The following CFAP91 variants were observed in gnomAD, a reference collection of about 807,000 sequenced individuals.
CFAP91 encodes cilia- and flagella-associated protein 91.
CFAP91 carries 85 observed loss-of-function variants against 95.9 expected under a neutral mutation model. That is an observed-to-expected ratio of 0.89 (90% CI 0.74 to 1.06). The LOEUF (loss-of-function observed/expected upper bound fraction) is 1.06. CFAP91 is among the 50% of genes least tolerant of loss of function. The pLI is 0.00. For missense variants in CFAP91, 962 were observed against 943.4 expected (o/e 1.02, Z -0.26); for synonymous variants, 335 against 327.5 (o/e 1.02, Z -0.25).
chr3:119,761,943 C>T (rs924528432), intron 17 of CFAP91, among the ~76,000 whole-genome samples: 1 of 151,902 alleles, frequency 6.6e-6, no homozygotes, highest in Non-Finnish European at 1.5e-5. Context: ...CAAGGATGCT[C>T]CACTCTTGCT....
rs1553706268 is a variant in CFAP91, at chr3:119,717,550, G to GGTTTTTTTTTTTTTTTT, written c.682+1807_682+1808insGTTTTTTTTTTTTTTTT. On this transcript the variant is annotated intron_variant, in intron 6 of 17. Coordinates refer to ENST00000273390, the MANE Select transcript of CFAP91 (RefSeq NM_033364.4). ...AATATCTGTTAAGTAAAATACGTTG[G>GGTTTTTTTTTTTTTTTT]TTTTTTTTTTTTTTTTTTTCACAAA... 3.8e-5 allele frequency among the ~76,000 whole-genome samples: 5 copies of GGTTTTTTTTTTTTTTTT among 130,192 alleles called. 1 individual carries two copies. Among genetic ancestry groups the GGTTTTTTTTTTTTTTTT allele is most frequent in the Non-Finnish European group, 1.6e-5 (1 of 61,440 alleles). The allele number at this position is 130,192 out of a possible 152,430, so 85.4% of individuals were successfully genotyped here. A position where few individuals can be genotyped will look rare whatever the true frequency, so the allele number is the denominator to read the frequency against.
At chr3:119,740,083 G>A (rs1338865996) in intron 12 of CFAP91, among the ~76,000 whole-genome samples, 1 of 152,180 alleles carries the variant, frequency 6.6e-6, no homozygotes, top group African/African-American at 2.4e-5. Context: ...TGAACAACTT[G>A]TGTTTAGCAC....
rs897854532 is a variant in CFAP91 at position 119,749,963 on chromosome 3, A to G, written c.2144-974A>G. On this transcript the variant is annotated intron_variant, in intron 16 of 17. Coordinates refer to ENST00000273390, the MANE Select transcript of CFAP91 (RefSeq NM_033364.4). ...AATGTACACTATCTCAATTTCTTTC[A>G]AGAGTTGTAGGTATATTCTCATTTT... Among the ~76,000 whole-genome samples, 9 of 152,202 alleles carry G rather than the reference A, an allele frequency of 5.9e-5. 1 individual carries two copies. In the East Asian group the frequency reaches 1.2e-3, roughly 20 times the overall value.
At position 119,766,271 on chromosome 3, in the gene CFAP91, AC is replaced by A. The variant is rs2054626006; in HGVS notation, c.*1222del. 1 of 152,208 alleles carries A rather than the reference AC, an allele frequency of 6.6e-6. No individual in the cohort carries two copies. Among genetic ancestry groups the A allele is most frequent in the African/African-American group, 2.4e-5 (1 of 41,454 alleles). 9.4% of individuals were successfully genotyped at this position (152,208 alleles called of 1,614,324 possible). A position where few individuals can be genotyped will look rare whatever the true frequency, so the allele number is the denominator to read the frequency against. On this transcript the variant is annotated 3_prime_UTR_variant, in exon 18 of 18. Coordinates refer to ENST00000273390, the MANE Select transcript of CFAP91 (RefSeq NM_033364.4). ...CGGAGTTCTTGAAGAAGAAACCAGA[AC>A]AAATAAAATAGAAACAATAATCAGA...
At chr3:119,734,170 C>T (rs1012062861) in intron 10 of CFAP91, among the ~76,000 whole-genome samples, 4 of 152,130 alleles carry the variant, frequency 2.6e-5, no homozygotes, top group East Asian at 1.9e-4. Context: ...ATAAGTTTCC[C>T]GGTGATGCTG....
intron 7 of CFAP91, 26 bp downstream of exon 7, chr3:119,726,374 T>C: frequency 6.3e-7 from 1 of 1,593,200 alleles, no homozygotes; most frequent in Non-Finnish European, 8.6e-7. Context: ...CCCAGACAAC[T>C]GTTCCTGCAC....
chr3:119,730,281 A>G lies in CFAP91; in HGVS notation c.922A>G (p.Asn308Asp). 7.4e-6 allele frequency: 12 copies of G among 1,614,188 alleles called. No homozygotes were observed. Among genetic ancestry groups the G allele is most frequent in the Non-Finnish European group, 1.0e-5 (12 of 1,180,024 alleles). Residue 308 changes from asparagine to aspartate, a missense_variant, in exon 8 of 18, where the codon AAT becomes GAT. Coordinates refer to ENST00000273390, the MANE Select transcript of CFAP91 (RefSeq NM_033364.4). ...ELLRKREENQNEVNMKHLNAR... is the reference protein window; with the variant it reads ...ELLRKREENQDEVNMKHLNAR... ...GTTGAGGAAGCGTGAAGAGAATCAG[A>G]ATGAAGTGAATATGAAGCACTTGAA...
At chr3:119,757,355 A>T (rs1056210788) in intron 17 of CFAP91, among the ~76,000 whole-genome samples, 1 of 152,146 alleles carries the variant, frequency 6.6e-6, no homozygotes, top group African/African-American at 2.4e-5. Flanking sequence ...TTAAAAATGA[A>T]ATATTTGGCT....
At chr3:119,736,268 G>GTTTTTT (rs770777389) in intron 10 of CFAP91, among the ~76,000 whole-genome samples, 373 of 85,226 alleles carry the variant, frequency 4.4e-3, no homozygotes, top group Middle Eastern at 0.016. Flanking sequence ...TCTTTCTATT[G>GTTTTTT]TTTTTTTTTT....
At chr3:119,704,688 T>A (rs1052016966) in intron 1 of CFAP91, among the ~76,000 whole-genome samples, 1 of 152,216 alleles carries the variant, frequency 6.6e-6, no homozygotes, top group African/African-American at 2.4e-5. Context: ...AACTCTAGCC[T>A]TCTTTCTATG....
intron 5 of CFAP91, among the ~76,000 whole-genome samples, chr3:119,710,983 G>T (rs1411499293): frequency 6.6e-6 from 1 of 152,134 alleles, no homozygotes. Context: ...AGAGAAAAAA[G>T]TCTAAGGTAT....
intron 12 of CFAP91, among the ~76,000 whole-genome samples, 175 bp from the exon 13 acceptor site, chr3:119,740,374 C>T (rs980258523): frequency 6.6e-6 from 1 of 152,194 alleles, no homozygotes; most frequent in Non-Finnish European, 1.5e-5. Context: ...AAGCTGAAGG[C>T]ACAGAAAAGA....
At chr3:119,757,262 T>C (rs1307857719) in intron 17 of CFAP91, among the ~76,000 whole-genome samples, 1 of 152,194 alleles carries the variant, frequency 6.6e-6, no homozygotes, top group Non-Finnish European at 1.5e-5. Flanking sequence ...CAGAACTGCC[T>C]GGAGAAATAG....
intron 4 of CFAP91, among the ~76,000 whole-genome samples, 169 bp downstream of exon 4, chr3:119,708,843 T>A (rs1427123749): frequency 1.3e-5 from 2 of 152,194 alleles, no homozygotes; most frequent in Admixed American, 1.3e-4. Flanking sequence ...GGCTAAGATA[T>A]ATATGATCCC....
Position 119,703,454 on chromosome 3 carries a change from C to CG in CFAP91, c.124+238dup, listed in dbSNP as rs1308080496. On this transcript the variant is annotated intron_variant, in intron 1 of 17. Transcript: ENST00000273390. The stretch of plus-strand genomic sequence containing the variant: ...CGAAAGGCGCGGGTGCGCTCCGCTT[C>CG]GGGGGGCGATTTTCCTGAAACCTGT... 2.6e-5 allele frequency among the ~76,000 whole-genome samples: 4 copies of CG among 152,320 alleles called. No homozygotes were observed. In the East Asian group the frequency reaches 7.7e-4, roughly 29 times the overall value.
At chr3:119,764,360 G>A (rs917863759) in intron 17 of CFAP91, among the ~76,000 whole-genome samples, 1 of 152,038 alleles carries the variant, frequency 6.6e-6, no homozygotes, top group African/African-American at 2.4e-5. Context: ...TGTAAATTAG[G>A]CTAACATACT....
chr3:119,740,514 A>G, intron 12 of CFAP91, 35 bp from the exon 13 acceptor site: 2 of 1,604,514 alleles, frequency 1.2e-6, no homozygotes, highest in Non-Finnish European at 1.7e-6. Context: ...AGGGATGGTA[A>G]CTTGCAGGTC....
chr3:119,708,700 T>C, intron 4 of CFAP91, 26 bp downstream of exon 4: 2 of 1,309,370 alleles, frequency 1.5e-6, no homozygotes, highest in South Asian at 2.6e-5. Flanking sequence ...TAATGAATAT[T>C]TGAGCCCTAA....
chr3:119,745,188 G>T (rs1363196837), intron 14 of CFAP91, among the ~76,000 whole-genome samples: 1 of 152,196 alleles, frequency 6.6e-6, no homozygotes, highest in Admixed American at 6.5e-5. Context: ...TCATCCATAT[G>T]TTAATTCTCA....
Sources: allele counts gnomAD v4.1 joint callset (sites outside exome capture counted in the v4.1 genomes callset), GRCh38; gene constraint gnomAD v4.1.1; transcripts MANE v1.5; gene names NCBI Gene and HGNC (gene_info 2026-07-23, HGNC 2026-07-21).